GRIK3: variants seen among roughly 807,000 people sequenced by gnomAD.
The protein encoded by GRIK3 is glutamate ionotropic receptor kainate type subunit 3.
A neutral mutation model predicts 102.5 loss-of-function variants in GRIK3; 29 were observed. The observed-to-expected ratio is 0.28, with a 90% CI of 0.21 to 0.39. GRIK3 has a LOEUF of 0.39. Ranked by LOEUF, GRIK3 falls within the 10% of genes least tolerant of loss-of-function variation. The pLI, the probability that GRIK3 is intolerant of heterozygous loss-of-function variation, is 1.00. For synonymous variants in GRIK3, 511 were observed against 504.9 expected (o/e 1.01, Z -0.16); for missense variants, 908 against 1,252.4 (o/e 0.73, Z 4.15).
intron 3 of GRIK3, among the ~76,000 whole-genome samples, chr1:36,879,213 G>T (rs919801000): frequency 1.3e-5 from 2 of 152,152 alleles, no homozygotes; most frequent in African/African-American, 4.8e-5. Context: ...CTGAGTTTTG[G>T]TGTGGTGTGG....
chr1:36,974,812 AC>A (rs1642178531), intron 1 of GRIK3, among the ~76,000 whole-genome samples: 4 of 151,348 alleles, frequency 2.6e-5, no homozygotes, highest in Admixed American at 2.0e-4. Flanking sequence ...AAAAAAAAAA[AC>A]AAAAAAAAAG....
intron 1 of GRIK3, among the ~76,000 whole-genome samples, chr1:36,911,372 A>G (rs535025880): frequency 2.0e-5 from 3 of 152,302 alleles, no homozygotes; most frequent in Non-Finnish European, 4.4e-5. Flanking sequence ...TGAAACAGAG[A>G]TATTAATAGT....
chr1:36,988,657 A>G (rs1557453794), intron 1 of GRIK3, among the ~76,000 whole-genome samples: 1 of 152,272 alleles, frequency 6.6e-6, no homozygotes, highest in Non-Finnish European at 1.5e-5. Context: ...TTCTTCACAC[A>G]TAGAATAATG....
intron 1 of GRIK3, among the ~76,000 whole-genome samples, chr1:36,960,293 CT>C (rs2124347996): frequency 6.7e-6 from 1 of 150,024 alleles, no homozygotes; most frequent in African/African-American, 2.5e-5. Flanking sequence ...ACCCATGAGC[CT>C]GTGTACCCCG....
intron 1 of GRIK3, among the ~76,000 whole-genome samples, chr1:36,944,000 C>T (rs1641756048): frequency 6.6e-6 from 1 of 152,178 alleles, no homozygotes. Context: ...GAAAGATGCC[C>T]CTGGCCCTTG....
chr1:37,001,839 T>A (rs1369581866), intron 1 of GRIK3, among the ~76,000 whole-genome samples: 4 of 152,124 alleles, frequency 2.6e-5, no homozygotes, highest in African/African-American at 9.7e-5. Context: ...AGGTGTGTTG[T>A]CAAGCAAATT....
chr1:36,824,330 G>T (rs1323492136), intron 11 of GRIK3, among the ~76,000 whole-genome samples: 1 of 152,192 alleles, frequency 6.6e-6, no homozygotes, highest in Non-Finnish European at 1.5e-5. Context: ...GTGGCTCCTG[G>T]CTTTCAAAGG....
chr1:37,013,184 G>A (rs2133910), intron 1 of GRIK3, among the ~76,000 whole-genome samples: 1 of 151,928 alleles, frequency 6.6e-6, no homozygotes, highest in East Asian at 1.9e-4. Flanking sequence ...CTCGTGAGAC[G>A]TATTTACTAC....
At chr1:36,887,374 A>C (rs1641049565) in intron 2 of GRIK3, among the ~76,000 whole-genome samples, 1 of 152,222 alleles carries the variant, frequency 6.6e-6, no homozygotes, top group African/African-American at 2.4e-5. Context: ...CCTCAAAAGA[A>C]ACTGTTAAGA....
intron 1 of GRIK3, among the ~76,000 whole-genome samples, chr1:36,892,179 C>T (rs912739238): frequency 8.5e-5 from 13 of 152,074 alleles, no homozygotes; most frequent in Admixed American, 1.3e-4. Context: ...CTGCTACGCC[C>T]GGATAATTTT....
intron 5 of GRIK3, among the ~76,000 whole-genome samples, chr1:36,866,361 C>T (rs1398055634): frequency 6.6e-6 from 1 of 152,202 alleles, no homozygotes; most frequent in Admixed American, 6.5e-5. Flanking sequence ...TGATAGGTTT[C>T]AGCAGAGGGC....
intron 1 of GRIK3, among the ~76,000 whole-genome samples, chr1:36,944,271 G>A (rs538387211): frequency 6.6e-6 from 1 of 152,340 alleles, no homozygotes; most frequent in East Asian, 1.9e-4. Context: ...TAGCTAGAAG[G>A]TGTTTTGTTG....
At chr1:36,833,465 T>C (rs1346483160) in intron 10 of GRIK3, among the ~76,000 whole-genome samples, 3 of 152,166 alleles carry the variant, frequency 2.0e-5, no homozygotes, top group African/African-American at 7.2e-5. Flanking sequence ...GCAACCTGGC[T>C]GGTCGGGGGA....
At chr1:36,833,488 A>G (rs1640335282) in intron 10 of GRIK3, among the ~76,000 whole-genome samples, 1 of 151,966 alleles carries the variant, frequency 6.6e-6, no homozygotes, top group Non-Finnish European at 1.5e-5. Context: ...GCTGGGCTCC[A>G]CCTTTGGAGC....
intron 5 of GRIK3, among the ~76,000 whole-genome samples, chr1:36,866,174 C>G (rs1038614635): frequency 6.6e-6 from 1 of 152,236 alleles, no homozygotes; most frequent in African/African-American, 2.4e-5. Context: ...GCCACAATGT[C>G]CAGCCCTAAA....
In GRIK3 at chr1:36,797,227, C is replaced by A. The variant is rs1044612697; in HGVS notation, c.*4624G>T. The A allele has an allele frequency of 6.6e-6, 1 of 151,954 alleles. No homozygotes were observed. Among genetic ancestry groups the A allele is most frequent in the African/African-American group, 2.4e-5 (1 of 41,362 alleles). The allele number at this position is 151,954 out of a possible 1,614,324, so 9.4% of individuals were successfully genotyped here. A position where few individuals can be genotyped will look rare whatever the true frequency, so the allele number is the denominator to read the frequency against. ...GGCTGGGTTCTGTACACTCCGTGTGCAGACGTGCAGGAAAGGGTTGTATAC... is the reference window on the plus strand; with the variant it reads ...GGCTGGGTTCTGTACACTCCGTGTGAAGACGTGCAGGAAAGGGTTGTATAC... On this transcript the variant is annotated 3_prime_UTR_variant, in exon 16 of 16. Transcript: ENST00000373091.
At chr1:37,023,763 CCA>C (rs989668957) in intron 1 of GRIK3, among the ~76,000 whole-genome samples, 90 of 152,320 alleles carry the variant, frequency 5.9e-4, no homozygotes, top group African/African-American at 2.1e-3. Context: ...CCAACCCCAA[CCA>C]TACTATAGGC....
Position 37,011,905 on chromosome 1 carries a change from C to T in GRIK3, c.115+22089G>A, listed in dbSNP as rs145009343. 6.0e-3 allele frequency among the ~76,000 whole-genome samples: 913 copies of T among 152,234 alleles called. 10 individuals are homozygous for T. Among genetic ancestry groups the T allele is most frequent in the African/African-American group, 0.02 (833 of 41,522 alleles). Reference sequence around the variant, plus strand: ...AGTGATGCCAGGGCTTCCAGAGTGCCCTGGAAAGCAAACCTTTTTGGGGGG... The same window carrying T: ...AGTGATGCCAGGGCTTCCAGAGTGCTCTGGAAAGCAAACCTTTTTGGGGGG... On this transcript the variant is annotated intron_variant, in intron 1 of 15. Transcript: ENST00000373091.
At chr1:36,974,768 C>G (rs1039781286) in intron 1 of GRIK3, among the ~76,000 whole-genome samples, 7 of 145,726 alleles carry the variant, frequency 4.8e-5, no homozygotes, top group African/African-American at 1.9e-4. Flanking sequence ...CCACTGCTCT[C>G]CAGCCTGGGT....
Sources: allele counts gnomAD v4.1 joint callset (sites outside exome capture counted in the v4.1 genomes callset), GRCh38; gene constraint gnomAD v4.1.1; transcripts MANE v1.5; gene names NCBI Gene and HGNC (gene_info 2026-07-23, HGNC 2026-07-21).